LOC400499: variants seen among roughly 807,000 people sequenced by gnomAD.
the LOC400499 span, among the ~76,000 whole-genome samples, chr16:11,419,955 C>T: frequency 6.6e-6 from 1 of 150,670 alleles, no homozygotes; most frequent in East Asian, 1.9e-4. Context: ...CAGATGCTGG[C>T]GAGGATGTGG....
the LOC400499 span, chr16:11,385,394 G>A: frequency 8.1e-7 from 1 of 1,232,264 alleles, no homozygotes; most frequent in Non-Finnish European, 1.0e-6. Flanking sequence ...CCACGTGCTG[G>A]GCCCCAGCCA....
the LOC400499 span, among the ~76,000 whole-genome samples, chr16:11,401,033 T>C: frequency 6.6e-6 from 1 of 152,234 alleles, no homozygotes; most frequent in African/African-American, 2.4e-5. Flanking sequence ...ATGTGAGCTA[T>C]CTTCAAACAC....
At chr16:11,376,014 C>G in the LOC400499 span, among the ~76,000 whole-genome samples, 2 of 152,224 alleles carry the variant, frequency 1.3e-5, 1 homozygote, top group East Asian at 3.8e-4. Context: ...GCTGGAATCA[C>G]AGGTGTGAGC....
chr16:11,412,012 G>A, the LOC400499 span, among the ~76,000 whole-genome samples: 9 of 152,036 alleles, frequency 5.9e-5, no homozygotes, highest in Admixed American at 1.3e-4. Context: ...ACAAGCATGC[G>A]TCACCATACC....
chr16:11,520,178 A>G, the LOC400499 span, among the ~76,000 whole-genome samples: 5 of 152,230 alleles, frequency 3.3e-5, no homozygotes, highest in African/African-American at 1.2e-4. Flanking sequence ...TGATGGTTGT[A>G]CAACGATGTG....
the LOC400499 span, chr16:11,459,763 A>G: frequency 2.2e-6 from 2 of 922,332 alleles, no homozygotes; most frequent in East Asian, 6.6e-5. Context: ...TGCAAAAGGG[A>G]AAGTCACCAA....
At chr16:11,487,413 C>T in the LOC400499 span, 1 of 398,734 alleles carries the variant, frequency 2.5e-6, no homozygotes, top group Non-Finnish European at 4.4e-6. Flanking sequence ...AACATCAGTA[C>T]ACTCTGTACA....
chr16:11,445,380 C>T, the LOC400499 span, among the ~76,000 whole-genome samples: 1 of 151,528 alleles, frequency 6.6e-6, no homozygotes, highest in African/African-American at 2.4e-5. Context: ...GAGACTGCAC[C>T]ACTACACTCC....
At chr16:11,374,438 C>T in the LOC400499 span, among the ~76,000 whole-genome samples, 2 of 152,208 alleles carry the variant, frequency 1.3e-5, no homozygotes, top group East Asian at 3.8e-4. Flanking sequence ...CTCTGGAACT[C>T]AGTAAATACT....
At chr16:11,491,952 C>T in the LOC400499 span, 3 of 395,600 alleles carry the variant, frequency 7.6e-6, no homozygotes, top group Non-Finnish European at 1.3e-5. Context: ...CCCCAGCTGT[C>T]CTGATGCCCC....
At chr16:11,397,982 C>T in the LOC400499 span, among the ~76,000 whole-genome samples, 1 of 152,096 alleles carries the variant, frequency 6.6e-6, no homozygotes, top group African/African-American at 2.4e-5. Context: ...CAGCTACCAA[C>T]CCCAGGAGGG....
At chr16:11,523,591 TC>T in the LOC400499 span, 1 of 395,962 alleles carries the variant, frequency 2.5e-6, no homozygotes, top group Non-Finnish European at 4.4e-6. Context: ...ATGCCAGCTC[TC>T]CCCAGACTTT....
At chr16:11,423,773 C>T in the LOC400499 span, among the ~76,000 whole-genome samples, 1 of 152,202 alleles carries the variant, frequency 6.6e-6, no homozygotes, top group Non-Finnish European at 1.5e-5. Context: ...CAGGGAGGAA[C>T]TGAGAGACCA....
At chr16:11,418,344 G>A in the LOC400499 span, among the ~76,000 whole-genome samples, 1 of 152,158 alleles carries the variant, frequency 6.6e-6, no homozygotes, top group South Asian at 2.1e-4. Context: ...GACGACATAG[G>A]AGGTCAGCAC....
chr16:11,460,541 C>A, the LOC400499 span: 9 of 1,535,542 alleles, frequency 5.9e-6, no homozygotes, highest in Non-Finnish European at 7.8e-6. Flanking sequence ...CCTGTAGGCA[C>A]CGTCTGAGCC....
the LOC400499 span, chr16:11,460,545 C>T: frequency 2.6e-6 from 4 of 1,535,688 alleles, no homozygotes; most frequent in Non-Finnish European, 3.5e-6. Flanking sequence ...TAGGCACCGT[C>T]TGAGCCACTG....
chr16:11,466,270 C>T, the LOC400499 span, among the ~76,000 whole-genome samples: 1 of 152,102 alleles, frequency 6.6e-6, no homozygotes, highest in African/African-American at 2.4e-5. Context: ...CAGCGCCAAC[C>T]AATAGAACTT....
At chr16:11,478,442 G>C in the LOC400499 span, 1 of 398,306 alleles carries the variant, frequency 2.5e-6, no homozygotes, top group East Asian at 3.6e-5. Flanking sequence ...ATTGGACCTT[G>C]GGCAGCCTGA....
the LOC400499 span, among the ~76,000 whole-genome samples, chr16:11,433,666 C>T: frequency 1.3e-5 from 2 of 152,140 alleles, no homozygotes; most frequent in African/African-American, 2.4e-5. Flanking sequence ...TTGGAACTTT[C>T]AGCCCCACAT....
Sources: gnomAD v4.1 joint callset for allele counts (sites outside exome capture counted in the v4.1 genomes callset) on GRCh38, gnomAD v4.1.1 for gene constraint, MANE v1.5 for transcripts.